ENOX1: variants seen among roughly 807,000 people sequenced by gnomAD.
ENOX1 encodes candidate growth-related and time keeping constitutive hydroquinone (NADH) oxidase.
In ENOX1, 42 loss-of-function variants were observed where a neutral mutation model predicts 82.5. The observed-to-expected ratio is 0.51, with a 90% CI of 0.40 to 0.66. The LOEUF is 0.66. Among genes scored for constraint, ENOX1 ranks in the 30% least tolerant of loss-of-function variants. The pLI, the probability that ENOX1 is intolerant of heterozygous loss-of-function variation, is 0.00. For missense variants in ENOX1, 608 were observed against 811.6 expected, an observed-to-expected ratio of 0.75 and a Z score of 3.05; for synonymous variants, 271 against 282.2, an observed-to-expected ratio of 0.96 and a Z score of 0.40.
At chr13:43,243,369 T>C (rs1240397723) in intron 14 of ENOX1, among the ~76,000 whole-genome samples, 1 of 152,194 alleles carries the variant, frequency 6.6e-6, no homozygotes, top group East Asian at 1.9e-4. Context: ...AAGATGTCTC[T>C]AAATCCAAAT....
At chr13:43,388,692 G>A (rs1292145550) in intron 5 of ENOX1, among the ~76,000 whole-genome samples, 2 of 152,172 alleles carry the variant, frequency 1.3e-5, no homozygotes, top group Non-Finnish European at 2.9e-5. Flanking sequence ...CCCTCGGGTG[G>A]GTAGGAGAGA....
chr13:43,432,270 CAAAT>C (rs2055718050), intron 3 of ENOX1, among the ~76,000 whole-genome samples: 1 of 152,110 alleles, frequency 6.6e-6, no homozygotes, highest in Admixed American at 6.5e-5. Context: ...AATAAACACT[CAAAT>C]AAAATTCACT....
intron 3 of ENOX1, among the ~76,000 whole-genome samples, chr13:43,449,008 GCA>G (rs1220025745): frequency 1.3e-5 from 2 of 152,190 alleles, no homozygotes; most frequent in South Asian, 2.1e-4. Context: ...TAAGAATTTT[GCA>G]CAGAGTTCAC....
chr13:43,284,399 A>G (rs1297251691), intron 12 of ENOX1, among the ~76,000 whole-genome samples: 2 of 152,230 alleles, frequency 1.3e-5, no homozygotes, highest in African/African-American at 4.8e-5. Context: ...CTCAGTATAA[A>G]ATGTAAATCA....
At chr13:43,682,877 C>T (rs1482516331) in intron 1 of ENOX1, among the ~76,000 whole-genome samples, 1 of 152,160 alleles carries the variant, frequency 6.6e-6, no homozygotes, top group Non-Finnish European at 1.5e-5. Context: ...TAGAAAAAAC[C>T]TGGCACTTGA....
chr13:43,661,080 C>T (rs747288946), intron 2 of ENOX1, among the ~76,000 whole-genome samples: 1 of 152,136 alleles, frequency 6.6e-6, no homozygotes, highest in Non-Finnish European at 1.5e-5. Flanking sequence ...TAAAGTTATA[C>T]TTTTACAGAG....
rs574526501 is a variant in ENOX1 at position 43,408,902 on chromosome 13, G to T, written c.208+3014C>A. Among the ~76,000 whole-genome samples the T allele has an allele frequency of 2.0e-5, 3 of 151,764 alleles. No individual in the cohort carries two copies. The South Asian group carries it at 6.2e-4, about 31-fold the overall frequency. ...TTTCTGCATTTAGAAATGGAATAAA[G>T]AACTCATAAATGAAAAATTAAATAT... On this transcript the variant is annotated intron_variant, in intron 5 of 16. Transcript: ENST00000690772.
At chr13:43,462,125 C>T (rs932005264) in intron 3 of ENOX1, among the ~76,000 whole-genome samples, 3 of 152,100 alleles carry the variant, frequency 2.0e-5, no homozygotes, top group Non-Finnish European at 4.4e-5. Context: ...CTATCTGATC[C>T]AGTGAGATGA....
At chr13:43,519,686 T>C (rs766729288) in intron 2 of ENOX1, among the ~76,000 whole-genome samples, 2 of 151,988 alleles carry the variant, frequency 1.3e-5, no homozygotes, top group African/African-American at 2.4e-5. Flanking sequence ...AGGCCTGAGG[T>C]AGACAAAGTA....
At chr13:43,774,906 A>G (rs957305129) in intron 1 of ENOX1, among the ~76,000 whole-genome samples, 1 of 152,004 alleles carries the variant, frequency 6.6e-6, no homozygotes, top group Non-Finnish European at 1.5e-5. Context: ...CTGGAGTGCA[A>G]TGGCGTGATC....
At chr13:43,732,079 A>G (rs960952138) in intron 1 of ENOX1, among the ~76,000 whole-genome samples, 4 of 152,248 alleles carry the variant, frequency 2.6e-5, no homozygotes, top group Non-Finnish European at 5.9e-5. Context: ...AAACGTGAAT[A>G]TAATTTGAGA....
At chr13:43,242,513 T>C (rs2042887192) in intron 14 of ENOX1, among the ~76,000 whole-genome samples, 1 of 152,258 alleles carries the variant, frequency 6.6e-6, no homozygotes, top group Non-Finnish European at 1.5e-5. Context: ...CTTGTCTGCC[T>C]GAATTTACCA....
intron 2 of ENOX1, among the ~76,000 whole-genome samples, chr13:43,659,474 A>G (rs1295973231): frequency 6.6e-6 from 1 of 151,482 alleles, no homozygotes; most frequent in East Asian, 2.0e-4. Context: ...TGGACGACAG[A>G]GTGAAACCCT....
intron 14 of ENOX1, among the ~76,000 whole-genome samples, chr13:43,247,860 TATATATATATA>T (rs1566329393): frequency 0.026 from 103 of 3,938 alleles, 8 homozygotes; most frequent in East Asian, 0.12. Flanking sequence ...TATATATATA[TATATATATATA>T]TATATATATA....
At chr13:43,240,356 G>A (rs2042757901) in intron 14 of ENOX1, among the ~76,000 whole-genome samples, 1 of 152,214 alleles carries the variant, frequency 6.6e-6, no homozygotes, top group South Asian at 2.1e-4. Context: ...ATGAGAAGAT[G>A]AAGCTGGAGA....
intron 1 of ENOX1, among the ~76,000 whole-genome samples, chr13:43,672,928 G>C (rs557477538): frequency 1.1e-4 from 16 of 152,008 alleles, no homozygotes; most frequent in Non-Finnish European, 1.9e-4. Context: ...TTGAAGGACA[G>C]CAAAAAGTAG....
At chr13:43,739,092 T>G (rs1430164216) in intron 1 of ENOX1, among the ~76,000 whole-genome samples, 1 of 152,200 alleles carries the variant, frequency 6.6e-6, no homozygotes, top group African/African-American at 2.4e-5. Flanking sequence ...CTAATCAGAT[T>G]AATTGACACC....
In ENOX1 at chr13:43,298,331, A is replaced by AAT; in HGVS notation, c.1446+14_1446+15insAT. On this transcript the variant is annotated intron_variant, in intron 12 of 16. Transcript: ENST00000690772. ...TCTTTCTCTCAAAAAAAAAAAAAAA[A>AAT]TCTGGGCCAGGTACCTGCTGCATGC... 1 of 1,572,340 alleles carries AAT rather than the reference A, an allele frequency of 6.4e-7. No individual in the cohort carries two copies. The highest frequency in any genetic ancestry group is 8.6e-7 in the Non-Finnish European group (1 of 1,167,360).
At chr13:43,388,947 T>C (rs2153580437) in intron 5 of ENOX1, among the ~76,000 whole-genome samples, 1 of 152,330 alleles carries the variant, frequency 6.6e-6, no homozygotes, top group East Asian at 1.9e-4. Flanking sequence ...CTGCCAGGCT[T>C]CCATCTGGCT....
Sources: allele counts gnomAD v4.1 joint callset (sites outside exome capture counted in the v4.1 genomes callset), GRCh38; gene constraint gnomAD v4.1.1; transcripts MANE v1.5; gene names NCBI Gene and HGNC (gene_info 2026-07-23, HGNC 2026-07-21).